NKAIN3: variants seen among roughly 807,000 people sequenced by gnomAD.
The protein encoded by NKAIN3 is sodium/potassium transporting ATPase interacting 3, also known as sodium/potassium-transporting ATPase subunit beta-1-interacting protein 3.
In NKAIN3, 25 loss-of-function variants were observed where a neutral mutation model predicts 30.2. The observed-to-expected ratio is 0.83, with a 90% CI of 0.60 to 1.16. The LOEUF (loss-of-function observed/expected upper bound fraction) is 1.16, where lower values mean the gene tolerates loss of function less well. Ranked by LOEUF, NKAIN3 falls within the 50% of genes most tolerant of loss-of-function variation. The probability of loss-of-function intolerance (pLI) is 0.00; values close to 1 mark genes in which losing one functional copy is unlikely to be tolerated. For missense variants in NKAIN3, 225 were observed against 254.1 expected (o/e 0.89, Z 0.78); for synonymous variants, 91 against 89.6 (o/e 1.02, Z -0.09).
At chr8:62,854,923 T>C (rs1820015251) in intron 4 of NKAIN3, 1 of 153,040 alleles carries the variant, frequency 6.5e-6, no homozygotes, top group Non-Finnish European at 1.5e-5. Flanking sequence ...AGGCAGTTCA[T>C]TGAGACAGCA....
intron 3 of NKAIN3, among the ~76,000 whole-genome samples, chr8:62,691,331 C>T (rs1813959434): frequency 6.6e-6 from 1 of 152,004 alleles, no homozygotes; most frequent in Non-Finnish European, 1.5e-5. Context: ...GATGCGGGGA[C>T]ATTCCACCGT....
At chr8:62,816,303 G>A (rs1052756724) in intron 4 of NKAIN3, among the ~76,000 whole-genome samples, 4 of 152,172 alleles carry the variant, frequency 2.6e-5, no homozygotes, top group Non-Finnish European at 4.4e-5. Flanking sequence ...ATAAATGTCA[G>A]TGGTGTATAC....
intron 5 of NKAIN3, among the ~76,000 whole-genome samples, chr8:62,947,577 C>G (rs1298269488): frequency 6.6e-6 from 1 of 152,194 alleles, no homozygotes; most frequent in Non-Finnish European, 1.5e-5. Context: ...GTTCTTGCCT[C>G]TTAAGCCCAG....
chr8:62,762,894 AT>A (rs1563551054), intron 4 of NKAIN3, among the ~76,000 whole-genome samples: 1 of 151,974 alleles, frequency 6.6e-6, no homozygotes, highest in African/African-American at 2.4e-5. Context: ...TAAAAAAAAA[AT>A]TCAATAATTA....
intron 3 of NKAIN3, among the ~76,000 whole-genome samples, chr8:62,639,524 C>T (rs1812237004): frequency 6.6e-6 from 1 of 152,072 alleles, no homozygotes; most frequent in African/African-American, 2.4e-5. Context: ...AGGCAGTGCC[C>T]AGAAGACATA....
chr8:62,827,200 A>G (rs1369689673), intron 4 of NKAIN3, among the ~76,000 whole-genome samples: 2 of 152,216 alleles, frequency 1.3e-5, no homozygotes, highest in Admixed American at 6.5e-5. Context: ...CCCATGCTAT[A>G]AAGTCTTTAT....
At chr8:62,738,679 T>TGCC (rs2130562883) in intron 3 of NKAIN3, among the ~76,000 whole-genome samples, 1 of 152,190 alleles carries the variant, frequency 6.6e-6, no homozygotes, top group Non-Finnish European at 1.5e-5. Flanking sequence ...GATGGGGTTG[T>TGCC]TTTTTCTTGT....
At chr8:62,507,956 A>G (rs1807694773) in intron 1 of NKAIN3, among the ~76,000 whole-genome samples, 2 of 152,228 alleles carry the variant, frequency 1.3e-5, no homozygotes, top group Admixed American at 6.5e-5. Context: ...GTTTCACAGT[A>G]TAAAAATGTG....
chr8:62,453,773 A>G (rs903072430), intron 1 of NKAIN3, among the ~76,000 whole-genome samples: 48 of 152,224 alleles, frequency 3.2e-4, no homozygotes, highest in African/African-American at 1.1e-3. Context: ...GCTAGAAAAC[A>G]TAGAAGAAAT....
chr8:62,526,476 T>C (rs1433972158), intron 1 of NKAIN3, among the ~76,000 whole-genome samples: 2 of 152,170 alleles, frequency 1.3e-5, no homozygotes, highest in Non-Finnish European at 2.9e-5. Context: ...ATGGATATTA[T>C]ACATCTATTT....
chr8:62,509,539 G>A (rs1432385615), intron 1 of NKAIN3, among the ~76,000 whole-genome samples: 1 of 152,092 alleles, frequency 6.6e-6, no homozygotes, highest in African/African-American at 2.4e-5. Context: ...AAATGCGGCA[G>A]TGGTTTCATT....
chr8:62,883,154 A>G (rs1225546521), intron 4 of NKAIN3, among the ~76,000 whole-genome samples: 1 of 152,136 alleles, frequency 6.6e-6, no homozygotes, highest in Non-Finnish European at 1.5e-5. Flanking sequence ...GTTGGGAAAG[A>G]CTGACATGGT....
At chr8:62,277,247 C>T (rs1812993143) in intron 1 of NKAIN3, among the ~76,000 whole-genome samples, 1 of 152,232 alleles carries the variant, frequency 6.6e-6, no homozygotes, top group South Asian at 2.1e-4. Context: ...AAGTAGGATA[C>T]ATTTTTTCCT....
chr8:62,891,610 A>C (rs1313488593), intron 4 of NKAIN3, among the ~76,000 whole-genome samples: 1 of 152,128 alleles, frequency 6.6e-6, no homozygotes, highest in Non-Finnish European at 1.5e-5. Flanking sequence ...GTGGTGGAAA[A>C]ATCGAGCCAG....
At chr8:62,811,230 T>C (rs534771080) in intron 4 of NKAIN3, among the ~76,000 whole-genome samples, 1 of 152,252 alleles carries the variant, frequency 6.6e-6, no homozygotes, top group South Asian at 2.1e-4. Context: ...GTAGTATTCC[T>C]TGATATGGGT....
At chr8:62,574,042 C>T (rs770472376) in intron 1 of NKAIN3, among the ~76,000 whole-genome samples, 7 of 152,160 alleles carry the variant, frequency 4.6e-5, no homozygotes, top group Non-Finnish European at 8.8e-5. Context: ...CCCTTCTCAG[C>T]CTCCGGAAGC....
At chr8:62,836,011 A>G (rs1316787162) in intron 4 of NKAIN3, among the ~76,000 whole-genome samples, 1 of 152,168 alleles carries the variant, frequency 6.6e-6, no homozygotes, top group African/African-American at 2.4e-5. Context: ...AGGCATTAAA[A>G]AAAAGCACAA....
intron 1 of NKAIN3, among the ~76,000 whole-genome samples, chr8:62,518,100 T>C (rs1311992167): frequency 9.2e-5 from 14 of 152,072 alleles, no homozygotes; most frequent in South Asian, 2.1e-4. Context: ...GTGGCTCACA[T>C]CTGTAATCCC....
chr8:62,973,979 G>A lies in NKAIN3; in HGVS notation c.*8572G>A, dbSNP rs572314881. 2.4e-3 allele frequency among the ~76,000 whole-genome samples: 365 copies of A among 152,228 alleles called. 1 individual carries two copies. The highest frequency in any genetic ancestry group is 3.5e-3 in the Non-Finnish European group (238 of 67,980). ...TGTCAAAGATCAGATGGTTGTAGATGTGTGGTGTTATTTCTGAGGCCTCTG... is the reference window on the plus strand; with the variant it reads ...TGTCAAAGATCAGATGGTTGTAGATATGTGGTGTTATTTCTGAGGCCTCTG... On this transcript the variant is annotated 3_prime_UTR_variant, in exon 7 of 7. Transcript: ENST00000623646.
Sources: gnomAD v4.1 joint callset for allele counts (sites outside exome capture counted in the v4.1 genomes callset) on GRCh38, gnomAD v4.1.1 for gene constraint, MANE v1.5 for transcripts, NCBI Gene and HGNC (gene_info 2026-07-23, HGNC 2026-07-21) for gene names.